UBE2E2: variants seen among roughly 807,000 people sequenced by gnomAD.
UBE2E2 encodes the protein ubiquitin conjugating enzyme E2 E2.
A neutral mutation model predicts 24.7 loss-of-function variants in UBE2E2; 6 were observed. The observed-to-expected ratio is 0.24, with a 90% CI of 0.13 to 0.48. The LOEUF (loss-of-function observed/expected upper bound fraction) is 0.48, where lower values mean the gene tolerates loss of function less well. Ranked by LOEUF, UBE2E2 falls within the 20% of genes least tolerant of loss-of-function variation. The pLI, the probability that UBE2E2 is intolerant of heterozygous loss-of-function variation, is 0.99. For synonymous variants in UBE2E2, 104 were observed against 83.6 expected (o/e 1.24, Z -1.33); for missense variants, 169 against 245.0 (o/e 0.69, Z 2.07).
intron 3 of UBE2E2, among the ~76,000 whole-genome samples, chr3:23,290,918 C>T (rs1207504556): frequency 7.3e-6 from 1 of 137,798 alleles, no homozygotes; most frequent in Non-Finnish European, 1.6e-5. Flanking sequence ...AAAAATTAGC[C>T]GGGCATGGTG....
chr3:23,428,192 T>G (rs1304905615), intron 3 of UBE2E2, among the ~76,000 whole-genome samples: 2 of 152,308 alleles, frequency 1.3e-5, no homozygotes, highest in Admixed American at 1.3e-4. Flanking sequence ...TTAACTAATT[T>G]TAAAAATGCT....
chr3:23,580,443 A>C (rs1696450481), intron 5 of UBE2E2, among the ~76,000 whole-genome samples: 1 of 152,242 alleles, frequency 6.6e-6, no homozygotes, highest in Non-Finnish European at 1.5e-5. Flanking sequence ...GATGATTGTT[A>C]GCATTTTTTT....
At chr3:23,501,611 G>A (rs1242725167) in intron 4 of UBE2E2, among the ~76,000 whole-genome samples, 3 of 152,174 alleles carry the variant, frequency 2.0e-5, no homozygotes, top group African/African-American at 4.8e-5. Flanking sequence ...TGCTTTATCT[G>A]TCCTCACATG....
At chr3:23,513,396 G>A (rs556426819) in intron 4 of UBE2E2, among the ~76,000 whole-genome samples, 3 of 152,132 alleles carry the variant, frequency 2.0e-5, no homozygotes, top group East Asian at 1.9e-4. Flanking sequence ...ATTTGTATGT[G>A]TAGATCTTTG....
intron 3 of UBE2E2, among the ~76,000 whole-genome samples, chr3:23,401,910 T>G (rs1378375767): frequency 1.5e-5 from 2 of 136,104 alleles, no homozygotes; most frequent in Non-Finnish European, 3.0e-5. Context: ...CAGGCTGGAG[T>G]GCAGTGGGGC....
intron 5 of UBE2E2, among the ~76,000 whole-genome samples, chr3:23,568,881 G>A (rs1696155013): frequency 6.6e-6 from 1 of 151,846 alleles, no homozygotes; most frequent in African/African-American, 2.4e-5. Context: ...GACATTGCTA[G>A]TGGGAATGTA....
intron 5 of UBE2E2, among the ~76,000 whole-genome samples, chr3:23,546,560 A>G (rs1575698615): frequency 8.2e-6 from 1 of 122,598 alleles, no homozygotes; most frequent in African/African-American, 3.2e-5. Context: ...CACAACCCCC[A>G]CCTCCCAGGT....
At chr3:23,500,681 C>T (rs1699701956) in intron 4 of UBE2E2, among the ~76,000 whole-genome samples, 1 of 152,194 alleles carries the variant, frequency 6.6e-6, no homozygotes, top group African/African-American at 2.4e-5. Context: ...TTCACCATGA[C>T]TTTCTATAAT....
At chr3:23,260,971 C>A (rs532957910) in intron 3 of UBE2E2, among the ~76,000 whole-genome samples, 2 of 152,202 alleles carry the variant, frequency 1.3e-5, no homozygotes, top group East Asian at 3.9e-4. Context: ...GGCGTGGTGG[C>A]ATGTGCCTGT....
intron 5 of UBE2E2, among the ~76,000 whole-genome samples, chr3:23,585,928 G>A (rs143625278): frequency 4.7e-5 from 7 of 148,066 alleles, no homozygotes; most frequent in African/African-American, 1.5e-4. Flanking sequence ...TTACCTTTTA[G>A]TGTTGCTAAA....
At chr3:23,376,393 A>G (rs6796840) in intron 3 of UBE2E2, among the ~76,000 whole-genome samples, 60,433 of 152,028 alleles carry the variant, frequency 0.4, 12,451 homozygotes, top group Admixed American at 0.54. Context: ...TTAGGTTCCT[A>G]GTGCGTAAAG....
chr3:23,533,749 A>C (rs531675385), intron 5 of UBE2E2, among the ~76,000 whole-genome samples: 5 of 149,024 alleles, frequency 3.4e-5, no homozygotes, highest in African/African-American at 7.5e-5. Flanking sequence ...TAGCCCCCCA[A>C]GTAGCTGGGA....
chr3:23,224,390 T>C (rs1220465120), intron 3 of UBE2E2, among the ~76,000 whole-genome samples: 1 of 151,980 alleles, frequency 6.6e-6, no homozygotes, highest in East Asian at 1.9e-4. Context: ...GTTAGATTGA[T>C]TCCTAGGCAT....
chr3:23,241,507 G>A (rs993742429), intron 3 of UBE2E2, among the ~76,000 whole-genome samples: 2 of 151,960 alleles, frequency 1.3e-5, no homozygotes, highest in South Asian at 4.1e-4. Context: ...CTCTGCTGCC[G>A]CTACGCTGGC....
At chr3:23,402,394 A>G (rs1575607306) in intron 3 of UBE2E2, among the ~76,000 whole-genome samples, 1 of 152,160 alleles carries the variant, frequency 6.6e-6, no homozygotes, top group Non-Finnish European at 1.5e-5. Context: ...TTACTAAAAA[A>G]CCATTTTGGC....
intron 3 of UBE2E2, among the ~76,000 whole-genome samples, chr3:23,484,774 A>C (rs913706151): frequency 7.2e-5 from 11 of 152,204 alleles, no homozygotes; most frequent in Non-Finnish European, 1.3e-4. Flanking sequence ...GGTGGCAGGC[A>C]AGAGAGCTTA....
chr3:23,571,434 C>T (rs1431183381), intron 5 of UBE2E2, among the ~76,000 whole-genome samples: 4 of 151,292 alleles, frequency 2.6e-5, no homozygotes, highest in East Asian at 1.9e-4. Flanking sequence ...GGATTACAGG[C>T]GTGTGCCACC....
intron 3 of UBE2E2, among the ~76,000 whole-genome samples, chr3:23,466,105 A>G (rs760925716): frequency 2.8e-4 from 43 of 152,358 alleles, no homozygotes; most frequent in Non-Finnish European, 5.1e-4. Flanking sequence ...TGGTAGTACA[A>G]TATAAACATT....
intron 3 of UBE2E2, among the ~76,000 whole-genome samples, chr3:23,299,706 A>C (rs1320805833): frequency 1.3e-5 from 2 of 152,178 alleles, no homozygotes; most frequent in Admixed American, 6.5e-5. Context: ...ACTTCCACCT[A>C]TGTGGTCAGT....
Sources: gnomAD v4.1 joint callset for allele counts (sites outside exome capture counted in the v4.1 genomes callset) on GRCh38, gnomAD v4.1.1 for gene constraint, MANE v1.5 for transcripts, NCBI Gene and HGNC (gene_info 2026-07-23, HGNC 2026-07-21) for gene names.